Variants in GRIA4 observed in about 807,000 individuals in gnomAD.
The protein encoded by GRIA4 is glutamate receptor 4.
Under a neutral mutation model 104.0 loss-of-function variants are expected in GRIA4, and 34 were observed. The observed-to-expected ratio is 0.33, with a 90% confidence interval of 0.25 to 0.44. The LOEUF (loss-of-function observed/expected upper bound fraction) is 0.44. GRIA4 is among the 20% of genes least tolerant of loss of function. GRIA4 has a pLI of 1.00. For synonymous variants in GRIA4, 386 were observed against 381.9 expected, an observed-to-expected ratio of 1.01 and a Z score of -0.13; for missense variants, 750 against 1,096.5, an observed-to-expected ratio of 0.68 and a Z score of 4.46.
intron 3 of GRIA4, among the ~76,000 whole-genome samples, chr11:105,651,636 C>T (rs1951689197): frequency 6.6e-6 from 1 of 152,010 alleles, no homozygotes; most frequent in Non-Finnish European, 1.5e-5. Flanking sequence ...TTCAAATACA[C>T]TCAAATTGTT....
rs187383171 is a variant in GRIA4 at position 105,677,882 on chromosome 11, G to A, written c.247+65448G>A. The stretch of plus-strand genomic sequence containing the variant: ...TATTTTCAAATGATCAGGTCACAGA[G>A]ACTCTGTAGATTATGACGAACTTGG... On this transcript the variant is annotated intron_variant, in intron 3 of 16. Coordinates refer to ENST00000282499, the MANE Select transcript of GRIA4 (RefSeq NM_000829.4). Among the ~76,000 whole-genome samples the A allele has an allele frequency of 3.3e-5, 5 of 152,064 alleles. No homozygotes were observed. In the East Asian group the frequency reaches 9.7e-4, roughly 29 times the overall value.
At chr11:105,863,331 C>T (rs2136025190) in intron 5 of GRIA4, among the ~76,000 whole-genome samples, 1 of 151,422 alleles carries the variant, frequency 6.6e-6, no homozygotes, top group Middle Eastern at 3.4e-3. Flanking sequence ...AGAAGCCAGA[C>T]CATAAGAGGA....
chr11:105,629,078 CAAAAA>C (rs33935142), intron 3 of GRIA4, among the ~76,000 whole-genome samples: 1 of 132,094 alleles, frequency 7.6e-6, no homozygotes, highest in Non-Finnish European at 1.6e-5. Context: ...ACTTCTCCAC[CAAAAA>C]AAAAAAAAAA....
chr11:105,922,097 G>A (rs1352382175), intron 11 of GRIA4, among the ~76,000 whole-genome samples: 1 of 152,030 alleles, frequency 6.6e-6, no homozygotes, highest in Non-Finnish European at 1.5e-5. Context: ...GGAAATAAAA[G>A]TGAATATTTT....
intron 3 of GRIA4, among the ~76,000 whole-genome samples, chr11:105,718,314 G>A (rs1954171197): frequency 6.6e-6 from 1 of 152,226 alleles, no homozygotes; most frequent in East Asian, 1.9e-4. Flanking sequence ...TATTTTAAGG[G>A]GGCATGTTTA....
At chr11:105,807,527 G>A (rs896736744) in intron 4 of GRIA4, among the ~76,000 whole-genome samples, 1 of 151,824 alleles carries the variant, frequency 6.6e-6, no homozygotes, top group Non-Finnish European at 1.5e-5. Flanking sequence ...GGTTACAGAG[G>A]AAAAATCTTT....
rs546317168 is a variant in GRIA4 at position 105,687,491 on chromosome 11, G to C, written c.248-65490G>C. 2.0e-5 allele frequency among the ~76,000 whole-genome samples: 3 copies of C among 152,358 alleles called. No individual in the cohort carries two copies. The South Asian group carries it at 6.2e-4, about 32-fold the overall frequency. On this transcript the variant is annotated intron_variant, in intron 3 of 16. Transcript: ENST00000282499. ...CTGAGGAAGAGACCAGGAAGATTCT[G>C]TGAGGAAGGTGAAATTATATTTGGG...
chr11:105,858,954 C>A (rs1225501089), intron 4 of GRIA4, among the ~76,000 whole-genome samples: 1 of 152,128 alleles, frequency 6.6e-6, no homozygotes, highest in African/African-American at 2.4e-5. Context: ...TTCCTGTTAA[C>A]TACATGATAT....
chr11:105,919,178 C>T (rs1947489316), intron 11 of GRIA4, among the ~76,000 whole-genome samples: 1 of 151,952 alleles, frequency 6.6e-6, no homozygotes, highest in South Asian at 2.1e-4. Context: ...TAATTGACTT[C>T]AGGATCTGGA....
intron 14 of GRIA4, chr11:105,965,844 T>C (rs924141741): frequency 1.2e-6 from 1 of 829,966 alleles, no homozygotes; most frequent in Non-Finnish European, 2.0e-6. Context: ...ATGAGAGGTT[T>C]ATTTAGCGTC....
intron 3 of GRIA4, among the ~76,000 whole-genome samples, chr11:105,627,993 A>G (rs1436171844): frequency 6.6e-6 from 1 of 152,208 alleles, no homozygotes; most frequent in East Asian, 1.9e-4. Context: ...CACATATTAC[A>G]GAGTAATAAA....
intron 5 of GRIA4, among the ~76,000 whole-genome samples, chr11:105,885,094 C>T (rs143857065): frequency 1.4e-4 from 22 of 152,196 alleles, no homozygotes; most frequent in African/African-American, 5.3e-4. Context: ...CCTGCTGTAG[C>T]CAAATAGCAG....
At chr11:105,790,143 T>G (rs1410708638) in intron 4 of GRIA4, among the ~76,000 whole-genome samples, 1 of 152,196 alleles carries the variant, frequency 6.6e-6, no homozygotes, top group Non-Finnish European at 1.5e-5. Flanking sequence ...AATCCATTCT[T>G]TCCTTCCACC....
At chr11:105,966,156 C>G (rs897976856) in intron 14 of GRIA4, 3 of 818,066 alleles carry the variant, frequency 3.7e-6, no homozygotes, top group Admixed American at 4.5e-5. Context: ...TAATACCAGT[C>G]GAATTGCTAG....
intron 9 of GRIA4, 130 bp from the exon 10 acceptor site, chr11:105,910,305 T>TC (rs753499990): frequency 1.6e-6 from 1 of 607,282 alleles, no homozygotes; most frequent in Non-Finnish European, 2.9e-6. Flanking sequence ...TTTTTTTTTT[T>TC]CTGTTGGCTT....
chr11:105,706,569 A>G (rs1402324921), intron 3 of GRIA4: 1 of 153,730 alleles, frequency 6.5e-6, no homozygotes, highest in East Asian at 1.9e-4. Flanking sequence ...TATTGAGGCT[A>G]AACTTGTTCA....
At chr11:105,703,295 A>G (rs748110700) in intron 3 of GRIA4, among the ~76,000 whole-genome samples, 59 of 152,204 alleles carry the variant, frequency 3.9e-4, no homozygotes, top group Non-Finnish European at 6.0e-4. Flanking sequence ...TTGTGTGAAG[A>G]CATTATAACA....
chr11:105,923,045 C>T (rs1024827130), intron 11 of GRIA4, among the ~76,000 whole-genome samples: 7 of 152,156 alleles, frequency 4.6e-5, no homozygotes, highest in East Asian at 3.9e-4. Context: ...GTGACTAAAA[C>T]GTGCCTTCCC....
chr11:105,776,343 A>G (rs1941449917), intron 4 of GRIA4, among the ~76,000 whole-genome samples: 1 of 152,206 alleles, frequency 6.6e-6, no homozygotes. Flanking sequence ...CCAACATACT[A>G]TGTAGAAAGG....
Sources: allele counts gnomAD v4.1 joint callset (sites outside exome capture counted in the v4.1 genomes callset), GRCh38; gene constraint gnomAD v4.1.1; transcripts MANE v1.5; gene names NCBI Gene and HGNC (gene_info 2026-07-23, HGNC 2026-07-21).